Variants in MYH15 observed in about 807,000 individuals in gnomAD.
The protein encoded by MYH15 is myosin heavy chain 15.
Under a neutral mutation model 240.5 loss-of-function variants are expected in MYH15, and 227 were observed. That is an observed-to-expected ratio of 0.94 (90% CI 0.85 to 1.05). The LOEUF (loss-of-function observed/expected upper bound fraction) is 1.05, where lower values mean the gene tolerates loss of function less well. Among genes scored for constraint, MYH15 ranks in the 50% least tolerant of loss-of-function variants. MYH15 has a pLI of 0.00. For synonymous variants in MYH15, 785 were observed against 796.7 expected, an observed-to-expected ratio of 0.99 and a Z score of 0.25; for missense variants, 2,217 against 2,247.5, an observed-to-expected ratio of 0.99 and a Z score of 0.27.
At chr3:108,491,613 A>G (rs1185768775) in intron 9 of MYH15, among the ~76,000 whole-genome samples, 1 of 151,918 alleles carries the variant, frequency 6.6e-6, no homozygotes, top group East Asian at 1.9e-4. Context: ...CCTTCCATCC[A>G]AGTCTCTGCC....
the MYH15 span, among the ~76,000 whole-genome samples, chr3:108,539,860 T>G: frequency 6.6e-6 from 1 of 152,140 alleles, no homozygotes; most frequent in Non-Finnish European, 1.5e-5. Context: ...ACAGGTCAGT[T>G]CTACTAAGTC....
At chr3:108,445,315 A>G (rs1243853602) in intron 21 of MYH15, among the ~76,000 whole-genome samples, 1 of 152,196 alleles carries the variant, frequency 6.6e-6, no homozygotes, top group Non-Finnish European at 1.5e-5. Flanking sequence ...CCTTCAAAGA[A>G]TCTTACCCTT....
chr3:108,527,349 A>T (rs925295839), intron 1 of MYH15, among the ~76,000 whole-genome samples: 1 of 152,146 alleles, frequency 6.6e-6, no homozygotes, highest in Admixed American at 6.6e-5. Flanking sequence ...TGACCCAGAC[A>T]GACACTGGCA....
At chr3:108,445,214 C>T (rs1156247941) in intron 21 of MYH15, among the ~76,000 whole-genome samples, 2 of 152,152 alleles carry the variant, frequency 1.3e-5, no homozygotes, top group East Asian at 1.9e-4. Flanking sequence ...GCATGCATAG[C>T]TTGGCCATCT....
rs771201540 is a variant in MYH15, at chr3:108,394,048, T to C, written c.5242A>G (p.Lys1748Glu). The C allele has an allele frequency of 1.2e-6, 2 of 1,613,938 alleles. No individual in the cohort carries two copies. The highest frequency in any genetic ancestry group is 1.7e-6 in the Non-Finnish European group (2 of 1,179,994). Residue 1748 changes from lysine to glutamate, a missense_variant, in exon 36 of 41, where the codon AAG becomes GAG. Physicochemically the swap from Lys to Glu is moderately conservative, Grantham distance 56. Coordinates refer to ENST00000693548, the MANE Select transcript of MYH15 (RefSeq NM_014981.3). ...GGACCCACCTCAATGGCTGCCTTCTTGGCCTTCTCTTCTGCATTTTGACAC... is the reference window on the plus strand; with the variant it reads ...GGACCCACCTCAATGGCTGCCTTCTCGGCCTTCTCTTCTGCATTTTGACAC... The part of the protein sequence containing the change: ...QECQNAEEKA[K>E]KAAIEAANLS...
intron 21 of MYH15, among the ~76,000 whole-genome samples, chr3:108,449,677 A>T (rs375024723): frequency 1.2e-4 from 19 of 152,152 alleles, no homozygotes; most frequent in South Asian, 6.2e-4. Flanking sequence ...GTTTTGGCAA[A>T]TTTTTTTAAT....
rs2082481264 is a variant in MYH15, at chr3:108,398,712, C to G, written c.5058G>C (p.Gln1686His). The change falls in exon 35 of 41, where the codon CAG (glutamine) becomes CAC (histidine). Residue 1686 changes from glutamine to histidine, a missense_variant. By Grantham distance (24) the Gln-to-His change is conservative. Transcript: ENST00000693548. ...ELEDLRSLQE[Q>H]TERGRRLSEE... is the part of the protein sequence containing the mutation. ...CTGACAGCCTGCGGCCACGCTCTGTCTGCTCTTGCAGGGACCTTAGATCCT... is the reference window on the plus strand; with the variant it reads ...CTGACAGCCTGCGGCCACGCTCTGTGTGCTCTTGCAGGGACCTTAGATCCT... 6.2e-7 allele frequency: 1 copy of G among 1,614,176 alleles called. No homozygotes were observed. The highest frequency in any genetic ancestry group is 8.5e-7 in the Non-Finnish European group (1 of 1,180,046).
In MYH15 at chr3:108,414,388, C is replaced by G. The variant is rs768579358; in HGVS notation, c.3989G>C (p.Arg1330Pro). ...ALAHALQKAQ[R>P]DCDLLREQYE... ...CTGCTCTCGTAGAAGGTCACAGTCA[C>G]GCTGAGCCTTCTGCAGGGCATGGGC... is the stretch of plus-strand genomic sequence containing the variant. Residue 1330 changes from arginine to proline, a missense_variant, in exon 30 of 41, where the codon CGT becomes CCT. Arg to Pro is a moderately radical substitution (Grantham distance 103). Coordinates refer to ENST00000693548, the MANE Select transcript of MYH15 (RefSeq NM_014981.3). 1 of 1,614,016 alleles carries G rather than the reference C, an allele frequency of 6.2e-7. No homozygotes were observed. Among genetic ancestry groups the G allele is most frequent in the Non-Finnish European group, 8.5e-7 (1 of 1,180,044 alleles).
the MYH15 span, among the ~76,000 whole-genome samples, chr3:108,539,903 A>G: frequency 2.0e-5 from 3 of 152,116 alleles, no homozygotes; most frequent in African/African-American, 4.8e-5. Context: ...CTCTGCTTAC[A>G]TTTTATACAG....
intron 18 of MYH15, among the ~76,000 whole-genome samples, chr3:108,457,593 T>G (rs2083033699): frequency 6.7e-6 from 1 of 150,138 alleles, no homozygotes; most frequent in South Asian, 2.1e-4. Context: ...GGACCACATC[T>G]CCTAACACAA....
intron 36 of MYH15, among the ~76,000 whole-genome samples, 195 bp downstream of exon 36, chr3:108,393,836 G>C (rs2082439000): frequency 6.6e-6 from 1 of 152,222 alleles, no homozygotes. Flanking sequence ...CATCACCAGG[G>C]TATGTTGGTG....
upstream of MYH15, among the ~76,000 whole-genome samples, chr3:108,514,168 G>A (rs1451194605): frequency 6.6e-6 from 1 of 152,092 alleles, no homozygotes; most frequent in Non-Finnish European, 1.5e-5. Context: ...GACAAGTCAC[G>A]AGCCCAGATG....
At chr3:108,463,290 A>C in intron 15 of MYH15, 47 bp from the exon 16 acceptor site, 14 of 1,558,210 alleles carry the variant, frequency 9.0e-6, no homozygotes, top group Non-Finnish European at 1.2e-5. Flanking sequence ...AAAAAACTGC[A>C]TAAGTTAACA....
At chr3:108,466,837 T>C (rs1316772963) in intron 14 of MYH15, among the ~76,000 whole-genome samples, 2 of 152,158 alleles carry the variant, frequency 1.3e-5, no homozygotes, top group Admixed American at 1.3e-4. Context: ...AAAATGCTGG[T>C]CTCATCTGTC....
At position 108,463,313 on chromosome 3, in the gene MYH15, C is replaced by G. The variant is rs2083086924; in HGVS notation, c.1732-70G>C. The G allele has an allele frequency of 4.0e-6, 6 of 1,481,798 alleles. No individual in the cohort carries two copies. The East Asian group carries it at 1.4e-4, about 34-fold the overall frequency. 91.8% of individuals were successfully genotyped at this position (1,481,798 alleles called of 1,614,324 possible). On this transcript the variant is annotated intron_variant, in intron 15 of 40. Coordinates refer to ENST00000693548, the MANE Select transcript of MYH15 (RefSeq NM_014981.3). Reference sequence around the variant, plus strand: ...GCATAAGTTAACATGGAAGGCTGTGCATTACCCCTTTTTTTTTTTGAGACA... The same window carrying G: ...GCATAAGTTAACATGGAAGGCTGTGGATTACCCCTTTTTTTTTTTGAGACA...
chr3:108,492,559 G>A lies in MYH15; in HGVS notation c.812C>T (p.Ala271Val). 6.2e-7 allele frequency: 1 copy of A among 1,613,570 alleles called. No homozygotes were observed. The highest frequency in any genetic ancestry group is 8.5e-7 in the Non-Finnish European group (1 of 1,179,626). The change falls in exon 9 of 41, where the codon GCT becomes GTT. Residue 271 changes from alanine (A) to valine (V), a missense_variant. Coordinates refer to ENST00000693548, the MANE Select transcript of MYH15 (RefSeq NM_014981.3). ...GAATATGTGGTAGTTCCTCTCTCCA[G>A]CCTGCTGGAAAATCACCCTGGACTT... ...LEKSRVIFQQ[A>V]GERNYHIFYQ...
chr3:108,537,043 G>A, the MYH15 span, among the ~76,000 whole-genome samples: 1 of 152,198 alleles, frequency 6.6e-6, no homozygotes, highest in Non-Finnish European at 1.5e-5. Context: ...CTCTCTCCCT[G>A]CAATTGGATG....
At chr3:108,529,046 A>G (rs2083694417) in intron 1 of MYH15, among the ~76,000 whole-genome samples, 1 of 152,192 alleles carries the variant, frequency 6.6e-6, no homozygotes, top group Non-Finnish European at 1.5e-5. Flanking sequence ...AAATCACATG[A>G]AGTGTTTTAC....
At chr3:108,418,522 A>G (rs1247661838) in intron 28 of MYH15, among the ~76,000 whole-genome samples, 1 of 152,216 alleles carries the variant, frequency 6.6e-6, no homozygotes, top group Non-Finnish European at 1.5e-5. Context: ...TGCAAATAGT[A>G]TCTTAGTACT....
Sources: allele counts gnomAD v4.1 joint callset (sites outside exome capture counted in the v4.1 genomes callset), GRCh38; gene constraint gnomAD v4.1.1; transcripts MANE v1.5; gene names NCBI Gene and HGNC (gene_info 2026-07-23, HGNC 2026-07-21).